Variants in MTAP observed in about 807,000 individuals in gnomAD.
MTAP encodes methylthioadenosine phosphorylase, also known as S-methyl-5'-thioadenosine phosphorylase.
MTAP carries 33 observed loss-of-function variants against 33.6 expected under a neutral mutation model. That is an observed-to-expected ratio of 0.98 (90% CI 0.74 to 1.31). The LOEUF (loss-of-function observed/expected upper bound fraction) is 1.31, where lower values mean the gene tolerates loss of function less well. Ranked by LOEUF, MTAP falls within the 40% of genes most tolerant of loss-of-function variation. The pLI is 0.00. For missense variants in MTAP, 367 were observed against 360.0 expected, an observed-to-expected ratio of 1.02 and a Z score of -0.16; for synonymous variants, 148 against 125.7, an observed-to-expected ratio of 1.18 and a Z score of -1.19.
At chr9:21,821,553 C>T (rs969801215) in intron 4 of MTAP, among the ~76,000 whole-genome samples, 3 of 152,148 alleles carry the variant, frequency 2.0e-5, no homozygotes, top group African/African-American at 4.8e-5. Context: ...ATTTTTGCAT[C>T]GATGTTCATC....
intron 5 of MTAP, among the ~76,000 whole-genome samples, chr9:21,841,317 G>A (rs1206044342): frequency 6.6e-6 from 1 of 151,858 alleles, no homozygotes; most frequent in Non-Finnish European, 1.5e-5. Flanking sequence ...CTGGAGGCCA[G>A]TCAACTGAGG....
downstream of MTAP, among the ~76,000 whole-genome samples, chr9:21,870,967 C>CA (rs1263685672): frequency 1.3e-5 from 2 of 151,916 alleles, no homozygotes; most frequent in African/African-American, 4.8e-5. Context: ...GACAGGGTTT[C>CA]ACCATGTTGG....
intron 1 of MTAP, among the ~76,000 whole-genome samples, chr9:21,804,859 G>A (rs1824167087): frequency 6.6e-6 from 1 of 152,226 alleles, no homozygotes; most frequent in African/African-American, 2.4e-5. Context: ...TGGGCCTAGA[G>A]CCTGGCATTC....
chr9:21,915,795 C>T (rs975117918), intron 1 of MTAP, among the ~76,000 whole-genome samples: 4 of 151,986 alleles, frequency 2.6e-5, no homozygotes, highest in African/African-American at 7.3e-5. Flanking sequence ...TTTGGGAGGC[C>T]GACACAGGAG....
At chr9:21,837,815 T>G in intron 4 of MTAP, 93 bp from the exon 5 acceptor site, 2 of 913,878 alleles carry the variant, frequency 2.2e-6, no homozygotes, top group Non-Finnish European at 3.4e-6. Flanking sequence ...ACCCAAATAT[T>G]GACCTAGATA....
At chr9:21,854,978 A>G (rs1286190704) in intron 6 of MTAP, 108 bp downstream of exon 6, 1 of 1,415,022 alleles carries the variant, frequency 7.1e-7, no homozygotes, top group Admixed American at 2.3e-5. Context: ...GCCTTTCTAC[A>G]AGGTTTTGAA....
At chr9:21,849,009 A>G (rs1315219681) in intron 5 of MTAP, among the ~76,000 whole-genome samples, 2 of 152,218 alleles carry the variant, frequency 1.3e-5, no homozygotes, top group East Asian at 1.9e-4. Flanking sequence ...TAAAATTCAT[A>G]GGAGGCCTAC....
chr9:21,854,873 A>T lies in MTAP; in HGVS notation c.690+3A>T, dbSNP rs1825600319. The stretch of plus-strand genomic sequence containing the variant: ...GCTGGAAGGAGCACGAGGAAGCAGT[A>T]GGTGGAATTCTTTTCTAAGCACATA... On this transcript the variant is annotated splice_donor_region_variant and intron_variant, in intron 6 of 7. Coordinates refer to ENST00000644715, the MANE Select transcript of MTAP (RefSeq NM_002451.4). 1 of 1,613,872 alleles carries T rather than the reference A, an allele frequency of 6.2e-7. No individual in the cohort carries two copies. Among genetic ancestry groups the T allele is most frequent in the Admixed American group, 1.7e-5 (1 of 60,000 alleles).
chr9:21,832,575 C>T (rs1356459377), intron 4 of MTAP, among the ~76,000 whole-genome samples: 5 of 152,224 alleles, frequency 3.3e-5, no homozygotes, highest in African/African-American at 1.2e-4. Context: ...CCTTCCCTTT[C>T]CCCAGTTACT....
At chr9:21,937,630 A>G (rs1420656685) in exon 8 of MTAP, 2 of 152,200 alleles carry the variant, frequency 1.3e-5, no homozygotes, top group Admixed American at 6.5e-5. Flanking sequence ...TACAGTTATT[A>G]AACTTTCTCT....
At chr9:21,877,136 GC>G (rs929219699) in intron 1 of MTAP, among the ~76,000 whole-genome samples, 37 of 152,168 alleles carry the variant, frequency 2.4e-4, no homozygotes, top group African/African-American at 7.9e-4. Context: ...GAATGGGATT[GC>G]ATTCCTGATT....
In MTAP at chr9:21,854,851, G is replaced by A. The variant is rs374944293; in HGVS notation, c.671G>A (p.Trp224Ter). The A allele has an allele frequency of 2.5e-6, 4 of 1,614,102 alleles. No homozygotes were observed. The highest frequency in any genetic ancestry group is 1.7e-5 in the Admixed American group (1 of 60,024). Reference protein sequence around the residue: ...SIAMATDYDCWKEHEEAVSVD... With the variant: ...SIAMATDYDC Reference sequence around the variant, plus strand: ...GCCATGGCGACAGATTATGACTGCTGGAAGGAGCACGAGGAAGCAGTAGGT... The same window carrying A: ...GCCATGGCGACAGATTATGACTGCTAGAAGGAGCACGAGGAAGCAGTAGGT... The change falls in exon 6 of 8, where the codon TGG (tryptophan) becomes TAG (stop). Residue 224 changes from tryptophan to a stop codon, truncating the protein, a stop_gained. Transcript: ENST00000644715. LOFTEE classifies it high-confidence loss of function.
chr9:21,921,373 T>G (rs1441941765), intron 1 of MTAP, among the ~76,000 whole-genome samples: 1 of 152,198 alleles, frequency 6.6e-6, no homozygotes, highest in Non-Finnish European at 1.5e-5. Flanking sequence ...TTTGTATTTT[T>G]TACTCTCAAT....
At chr9:21,858,005 A>G (rs760583170) in intron 6 of MTAP, among the ~76,000 whole-genome samples, 17 of 151,998 alleles carry the variant, frequency 1.1e-4, no homozygotes, top group Admixed American at 6.5e-5. Flanking sequence ...GTAGCATTTT[A>G]TTTTTTCATC....
chr9:21,934,333 C>T (rs934170928), downstream of MTAP: 1 of 152,146 alleles, frequency 6.6e-6, no homozygotes, highest in Non-Finnish European at 1.5e-5. The surrounding 1 kb of genome is among the most constrained non-coding windows in gnomAD (Gnocchi z 5.0). Context: ...ACAGTTCATC[C>T]ACAAGGACTC....
rs1825820316 is a variant in MTAP at position 21,864,636 on chromosome 9, G to A, written c.*2622G>A. On this transcript the variant is annotated 3_prime_UTR_variant, in exon 8 of 8. Coordinates refer to ENST00000644715, the MANE Select transcript of MTAP (RefSeq NM_002451.4). ...CTGGCCCCTGTTCACTGCCCCCTTC[G>A]CTAGCACGAGTTGCTGTGCAGGGCT... The A allele has an allele frequency of 1.9e-5, 19 of 985,444 alleles. No homozygotes were observed. The highest frequency in any genetic ancestry group is 4.7e-5 in the South Asian group (1 of 21,286). The allele number at this position is 985,444 out of a possible 1,614,324, so 61.0% of individuals were successfully genotyped here.
At chr9:21,879,137 T>C (rs1817955116) in intron 1 of MTAP, among the ~76,000 whole-genome samples, 1 of 152,150 alleles carries the variant, frequency 6.6e-6, no homozygotes, top group Non-Finnish European at 1.5e-5. Context: ...GATGTTCTAA[T>C]ACTGTCAGTG....
At chr9:21,849,231 C>T (rs971593322) in intron 5 of MTAP, among the ~76,000 whole-genome samples, 1 of 152,106 alleles carries the variant, frequency 6.6e-6, no homozygotes, top group Non-Finnish European at 1.5e-5. Context: ...GAATCTTTCT[C>T]CCGTCCTTCC....
At chr9:21,903,094 G>A (rs1222431627) in intron 1 of MTAP, among the ~76,000 whole-genome samples, 1 of 152,188 alleles carries the variant, frequency 6.6e-6, no homozygotes, top group Non-Finnish European at 1.5e-5. Flanking sequence ...TTACAAATGA[G>A]GAAGGAGGAT....
Sources: allele counts gnomAD v4.1 joint callset (sites outside exome capture counted in the v4.1 genomes callset), GRCh38; gene constraint gnomAD v4.1.1; non-coding constraint Gnocchi (gnomAD v3.1); transcripts MANE v1.5; gene names NCBI Gene and HGNC (gene_info 2026-07-23, HGNC 2026-07-21).